TENM4: variants seen among roughly 807,000 people sequenced by gnomAD.
The protein encoded by TENM4 is teneurin-4.
In TENM4, 82 loss-of-function variants were observed where a neutral mutation model predicts 243.3. That is an observed-to-expected ratio of 0.34 (90% CI 0.28 to 0.40). The LOEUF is 0.40. Ranked by LOEUF, TENM4 falls within the 10% of genes least tolerant of loss-of-function variation. The pLI is 1.00. For missense variants in TENM4, 3,138 were observed against 3,673.3 expected (o/e 0.85, Z 3.77); for synonymous variants, 1,412 against 1,456.3 (o/e 0.97, Z 0.69).
At chr11:78,909,629 C>T (rs1015028201) in intron 6 of TENM4, among the ~76,000 whole-genome samples, 1 of 152,230 alleles carries the variant, frequency 6.6e-6, no homozygotes, top group South Asian at 2.1e-4. Flanking sequence ...CCCCAGGGAG[C>T]ACCACAGGTA....
At chr11:79,111,970 A>G (rs942195343) in intron 4 of TENM4, among the ~76,000 whole-genome samples, 2 of 152,154 alleles carry the variant, frequency 1.3e-5, no homozygotes, top group Admixed American at 6.5e-5. Flanking sequence ...ACAAAAAAAA[A>G]TCTGTGTGGG....
At chr11:79,334,385 A>G (rs1857113480) in intron 1 of TENM4, among the ~76,000 whole-genome samples, 1 of 152,154 alleles carries the variant, frequency 6.6e-6, no homozygotes, top group South Asian at 2.1e-4. Flanking sequence ...AAGAGATACC[A>G]AAGAGCAACT....
chr11:78,734,862 A>G (rs1445730643), intron 20 of TENM4, among the ~76,000 whole-genome samples: 1 of 152,228 alleles, frequency 6.6e-6, no homozygotes, highest in Non-Finnish European at 1.5e-5. Context: ...GAATAAATGC[A>G]TGAGTGACAG....
At chr11:79,165,752 G>A (rs181925308) in intron 3 of TENM4, among the ~76,000 whole-genome samples, 15 of 152,184 alleles carry the variant, frequency 9.9e-5, no homozygotes, top group Middle Eastern at 3.4e-3. Context: ...TGTTATCTTC[G>A]AGAATTTTTA....
At chr11:79,336,936 C>T (rs954044552) in intron 1 of TENM4, among the ~76,000 whole-genome samples, 2 of 152,140 alleles carry the variant, frequency 1.3e-5, no homozygotes, top group African/African-American at 4.8e-5. Flanking sequence ...AGACCCAGCC[C>T]CACTCAGGGG....
At chr11:78,688,301 A>C in intron 28 of TENM4, 75 bp from the exon 29 acceptor site, 14 of 1,493,862 alleles carry the variant, frequency 9.4e-6, no homozygotes, top group Non-Finnish European at 1.3e-5. Flanking sequence ...ATTCTACCTC[A>C]TGCCATGGTT....
At chr11:79,086,957 C>T (rs1860824517) in intron 4 of TENM4, among the ~76,000 whole-genome samples, 1 of 151,760 alleles carries the variant, frequency 6.6e-6, no homozygotes, top group African/African-American at 2.4e-5. Context: ...ATCTACCATT[C>T]TGTACCTTTT....
intron 12 of TENM4, among the ~76,000 whole-genome samples, chr11:78,840,946 G>A (rs1274162506): frequency 6.6e-6 from 1 of 152,170 alleles, no homozygotes; most frequent in Non-Finnish European, 1.5e-5. Flanking sequence ...AATAAGAGTT[G>A]TTCCTGCTTT....
chr11:79,217,010 C>G (rs980325123), intron 2 of TENM4, among the ~76,000 whole-genome samples: 1 of 152,170 alleles, frequency 6.6e-6, no homozygotes, highest in Non-Finnish European at 1.5e-5. Flanking sequence ...CCCCTCTAAG[C>G]CTCAGTTCCC....
intron 6 of TENM4, among the ~76,000 whole-genome samples, chr11:79,000,679 A>C (rs1190414070): frequency 6.6e-6 from 1 of 152,244 alleles, no homozygotes; most frequent in Admixed American, 6.5e-5. Flanking sequence ...TTTATTTAAC[A>C]TACAAAAGGT....
chr11:79,001,563 C>T (rs558847982), intron 6 of TENM4, among the ~76,000 whole-genome samples: 1 of 152,284 alleles, frequency 6.6e-6, no homozygotes, highest in South Asian at 2.1e-4. Context: ...CTGCGCAGAG[C>T]CCAAAGGGTT....
intron 6 of TENM4, among the ~76,000 whole-genome samples, chr11:78,952,349 A>G (rs1591157873): frequency 6.6e-6 from 1 of 152,208 alleles, no homozygotes; most frequent in Non-Finnish European, 1.5e-5. Context: ...GGCTCTGGGA[A>G]GAAGGGCTGG....
intron 12 of TENM4, among the ~76,000 whole-genome samples, chr11:78,829,881 G>A (rs1857937677): frequency 6.6e-6 from 1 of 152,212 alleles, no homozygotes; most frequent in Non-Finnish European, 1.5e-5. Context: ...TACTGTGCAT[G>A]CAGGTGCGTG....
intron 12 of TENM4, among the ~76,000 whole-genome samples, chr11:78,820,479 G>A (rs1328215836): frequency 6.6e-6 from 1 of 152,172 alleles, no homozygotes; most frequent in Non-Finnish European, 1.5e-5. Context: ...GTGAAATGGG[G>A]TGAACAGTAA....
intron 1 of TENM4, among the ~76,000 whole-genome samples, chr11:79,359,562 G>A (rs560131591): frequency 3.3e-5 from 5 of 152,166 alleles, no homozygotes; most frequent in African/African-American, 1.2e-4. Flanking sequence ...GCATAAGCTT[G>A]AAATTTTCCA....
intron 6 of TENM4, among the ~76,000 whole-genome samples, chr11:79,027,954 A>T (rs1482799042): frequency 2.6e-5 from 4 of 152,164 alleles, no homozygotes; most frequent in Non-Finnish European, 5.9e-5. Flanking sequence ...AGTTGGGTTC[A>T]CTCACAGGAA....
chr11:78,666,549 A>G (rs1196319175), intron 32 of TENM4, among the ~76,000 whole-genome samples: 1 of 152,212 alleles, frequency 6.6e-6, no homozygotes, highest in Non-Finnish European at 1.5e-5. Flanking sequence ...GCTGGATTTA[A>G]CTGACTGGAA....
intron 6 of TENM4, among the ~76,000 whole-genome samples, chr11:79,055,218 TTCTA>T (rs1417564215): frequency 5.3e-5 from 8 of 152,062 alleles, no homozygotes; most frequent in Non-Finnish European, 1.0e-4. Flanking sequence ...CTTCTCTCTA[TTCTA>T]TCTATTATAT....
chr11:78,692,917 C>T (rs1237771965), intron 28 of TENM4, among the ~76,000 whole-genome samples: 1 of 152,190 alleles, frequency 6.6e-6, no homozygotes, highest in Non-Finnish European at 1.5e-5. Flanking sequence ...GCTTCTAAGA[C>T]AGATAAGTCC....
Sources: gnomAD v4.1 joint callset for allele counts (sites outside exome capture counted in the v4.1 genomes callset) on GRCh38, gnomAD v4.1.1 for gene constraint, MANE v1.5 for transcripts, NCBI Gene and HGNC (gene_info 2026-07-23, HGNC 2026-07-21) for gene names.